ADGRF1: variants seen among roughly 807,000 people sequenced by gnomAD.
ADGRF1 encodes G protein-coupled receptor 110.
A neutral mutation model predicts 87.2 loss-of-function variants in ADGRF1; 85 were observed. The ratio of observed to expected loss-of-function variants is 0.97; its 90% CI spans 0.82 to 1.17. The LOEUF is 1.17. Among genes scored for constraint, ADGRF1 ranks in the 50% most tolerant of loss-of-function variants. ADGRF1 has a pLI of 0.00. For missense variants in ADGRF1, 1,169 were observed against 1,077.2 expected, an observed-to-expected ratio of 1.09 and a Z score of -1.19; for synonymous variants, 430 against 408.8, an observed-to-expected ratio of 1.05 and a Z score of -0.63.
chr6:47,005,776 G>A, intron 13 of ADGRF1, 41 bp downstream of exon 13: 1 of 1,468,774 alleles, frequency 6.8e-7, no homozygotes, highest in Non-Finnish European at 9.5e-7. Context: ...TGCAAAACTG[G>A]AACTTCATGT....
At chr6:47,012,380 T>C in intron 9 of ADGRF1, 185 bp from the exon 10 acceptor site, 1 of 1,026,494 alleles carries the variant, frequency 9.7e-7, no homozygotes, top group Non-Finnish European at 1.3e-6. Context: ...TTGCACTAGG[T>C]GCTTTACCAG....
At position 47,009,601 on chromosome 6, in the gene ADGRF1, T is replaced by C; in HGVS notation, c.1834A>G (p.Lys612Glu). 1 of 1,613,990 alleles carries C rather than the reference T, an allele frequency of 6.2e-7. No homozygotes were observed. Among genetic ancestry groups the C allele is most frequent in the African/African-American group, 1.3e-5 (1 of 74,952 alleles). Residue 612 changes from lysine to glutamate, a missense_variant, in exon 11 of 15, where the codon AAG (lysine) becomes GAG (glutamate). Transcript: ENST00000371253. ...GAGGTTTGGCTTTTTTTAATCTGCT[T>C]CCAAAACAAAGCCTCGATGATCAGG... ...LCLIIEALFW[K>E]QIKKSQTSHT... is the part of the protein sequence containing the mutation.
rs1325071713 is a variant in ADGRF1 at position 47,009,636 on chromosome 6, A to G, written c.1799T>C (p.Leu600Pro). The change falls in exon 11 of 15, where the codon CTC (leucine) becomes CCC (proline). Residue 600 changes from leucine (L) to proline (P), a missense_variant. Leu to Pro is a moderately conservative substitution (Grantham distance 98). Transcript: ENST00000371253. ...AGCCTCGATGATCAGGCATAAAATG[A>G]GACTTCCAATGGAGATACCCAGTCC... is the stretch of plus-strand genomic sequence containing the variant. The part of the protein sequence containing the change: ...YVGLGISIGS[L>P]ILCLIIEALF... 1 of 1,614,202 alleles carries G rather than the reference A, an allele frequency of 6.2e-7. No individual in the cohort carries two copies. The highest frequency in any genetic ancestry group is 1.7e-5 in the Admixed American group (1 of 60,028).
At chr6:47,035,729 T>C (rs1780569397) in intron 1 of ADGRF1, among the ~76,000 whole-genome samples, 1 of 152,196 alleles carries the variant, frequency 6.6e-6, no homozygotes, top group South Asian at 2.1e-4. Flanking sequence ...GTTAATTTGA[T>C]CTCCACCTGA....
Position 47,014,864 on chromosome 6 carries a change from A to T in ADGRF1, c.764-20T>A. 1 of 1,579,064 alleles carries T rather than the reference A, an allele frequency of 6.3e-7. No individual in the cohort carries two copies. On this transcript the variant is annotated intron_variant, in intron 8 of 14. Transcript: ENST00000371253. ...ACTGGGCTGGAAACAAAAGAAAACAACAAAGAAAAATGATCCTAGAATATC... is the reference window on the plus strand; with the variant it reads ...ACTGGGCTGGAAACAAAAGAAAACATCAAAGAAAAATGATCCTAGAATATC...
chr6:47,009,121 G>A lies in ADGRF1; in HGVS notation c.2314C>T (p.Pro772Ser), dbSNP rs756244155. The change falls in exon 11 of 15, where the codon CCG (proline) becomes TCG (serine). Residue 772 changes from proline (P) to serine (S), a missense_variant. Physicochemically the swap from Pro to Ser is moderately conservative, Grantham distance 74. Transcript: ENST00000371253. ...VLLVLTKLWR[P>S]TVGERLSRDD... ...CGACTCAGTCTTTCCCCAACAGTCG[G>A]CCTCCAGAGCTTTGTGAGAACTAGC... 1 of 1,614,096 alleles carries A rather than the reference G, an allele frequency of 6.2e-7. No homozygotes were observed. Among genetic ancestry groups the A allele is most frequent in the Non-Finnish European group, 8.5e-7 (1 of 1,180,012 alleles).
chr6:47,032,415 C>CAA (rs1248552834), intron 1 of ADGRF1, among the ~76,000 whole-genome samples: 1 of 152,136 alleles, frequency 6.6e-6, no homozygotes, highest in Non-Finnish European at 1.5e-5. Context: ...ATGCCTTGTG[C>CAA]AATATTTGCA....
Position 47,027,857 on chromosome 6 carries a change from C to A in ADGRF1, c.70-96G>T, listed in dbSNP as rs562101113. 5.3e-5 allele frequency: 44 copies of A among 827,268 alleles called. 2 individuals are homozygous for A. The Middle Eastern group carries it at 6.9e-4, about 13-fold the overall frequency. 51.2% of individuals were successfully genotyped at this position (827,268 alleles called of 1,614,324 possible). Reference sequence around the variant, plus strand: ...TCCCAGATGAATTAAAATCATGAATCTAAAATCCAAGCCAGGGATGGTGGA... The same window carrying A: ...TCCCAGATGAATTAAAATCATGAATATAAAATCCAAGCCAGGGATGGTGGA... On this transcript the variant is annotated intron_variant, in intron 2 of 14. Coordinates refer to ENST00000371253, the MANE Select transcript of ADGRF1 (RefSeq NM_153840.4).
At chr6:47,031,351 G>GTCTCTCTCTCTCTCTCTCTC (rs374462680) in intron 1 of ADGRF1, among the ~76,000 whole-genome samples, 4 of 110,682 alleles carry the variant, frequency 3.6e-5, no homozygotes, top group African/African-American at 6.9e-5. Context: ...CTCTCTCTCT[G>GTCTCTCTCTCTCTCTCTCTC]TCTCTCTCTC....
At chr6:47,012,712 A>G (rs1394183097) in intron 9 of ADGRF1, 1 of 985,428 alleles carries the variant, frequency 1.0e-6, no homozygotes, top group African/African-American at 1.7e-5. Flanking sequence ...AGAGAGAGAA[A>G]CATACATGGA....
intron 1 of ADGRF1, among the ~76,000 whole-genome samples, chr6:47,037,151 CTTTT>C (rs1780610585): frequency 6.6e-6 from 1 of 152,160 alleles, no homozygotes; most frequent in African/African-American, 2.4e-5. Context: ...TCCACAGTAT[CTTTT>C]TAATGTTCCC....
In ADGRF1 at chr6:47,005,843, A is replaced by T. The variant is rs936809769; in HGVS notation, c.2566T>A (p.Leu856Ile). Residue 856 changes from leucine (L) to isoleucine (I), a missense_variant, in exon 13 of 15, where the codon TTA becomes ATA. Leu to Ile is a conservative substitution (Grantham distance 5). Transcript: ENST00000371253. ...TTTTCTGTTTGCTTCCAAGAACTTA[A>T]GGCAGACAACTTGTTGAACAGAAGT... Reference protein sequence around the residue: ...RQLLFNKLSALSSWKQTEKQN... With the variant: ...RQLLFNKLSAISSWKQTEKQN... 6.2e-7 allele frequency: 1 copy of T among 1,612,010 alleles called. No homozygotes were observed. Among genetic ancestry groups the T allele is most frequent in the African/African-American group, 1.3e-5 (1 of 74,988 alleles).
intron 1 of ADGRF1, among the ~76,000 whole-genome samples, chr6:47,033,598 A>G (rs189506754): frequency 1.6e-3 from 240 of 152,372 alleles, no homozygotes; most frequent in African/African-American, 5.4e-3. Context: ...TTGGCCTCAC[A>G]TGCGCCCATG....
At position 46,998,621 on chromosome 6, in the gene ADGRF1, T is replaced by G. The variant is rs1032907686; in HGVS notation, c.*1601A>C. The G allele has an allele frequency of 6.6e-5, 10 of 152,262 alleles. 1 individual carries two copies. Among genetic ancestry groups the G allele is most frequent in the Admixed American group, 6.5e-4 (10 of 15,292 alleles). The allele number at this position is 152,262 out of a possible 1,614,324, so 9.4% of individuals were successfully genotyped here. On this transcript the variant is annotated 3_prime_UTR_variant, in exon 15 of 15. Transcript: ENST00000371253. The stretch of plus-strand genomic sequence containing the variant: ...TTCCATCAGCCATGCATCCTAATTG[T>G]TGTGGTTCTGAGAAATCTGAGCTAT...
chr6:47,012,603 C>T (rs746402429), intron 9 of ADGRF1: 10 of 942,626 alleles, frequency 1.1e-5, no homozygotes, highest in Non-Finnish European at 1.3e-5. Flanking sequence ...ATTTAATGAC[C>T]TTCCAAAGAG....
chr6:47,032,162 C>G (rs1780449894), intron 1 of ADGRF1, among the ~76,000 whole-genome samples: 1 of 152,022 alleles, frequency 6.6e-6, no homozygotes, highest in Non-Finnish European at 1.5e-5. Context: ...CCACTCCGCC[C>G]CCTCCTCCTT....
At chr6:47,014,228 A>G in intron 9 of ADGRF1, 2 of 985,348 alleles carry the variant, frequency 2.0e-6, no homozygotes, top group Non-Finnish European at 2.4e-6. Context: ...ATTGCAGTTC[A>G]GTCATTTTAT....
intron 1 of ADGRF1, among the ~76,000 whole-genome samples, chr6:47,040,288 C>A (rs1365425443): frequency 1.3e-5 from 2 of 151,866 alleles, no homozygotes; most frequent in Non-Finnish European, 2.9e-5. Context: ...CTGGCCAACA[C>A]AATGAAACCC....
chr6:47,040,874 T>C (rs1298396473), intron 1 of ADGRF1, among the ~76,000 whole-genome samples: 1 of 152,230 alleles, frequency 6.6e-6, no homozygotes, highest in Non-Finnish European at 1.5e-5. Flanking sequence ...TATGGTGCTT[T>C]CCTTGCCCTC....
Sources: allele counts gnomAD v4.1 joint callset (sites outside exome capture counted in the v4.1 genomes callset), GRCh38; gene constraint gnomAD v4.1.1; transcripts MANE v1.5; gene names NCBI Gene and HGNC (gene_info 2026-07-23, HGNC 2026-07-21).